The following ZDHHC17 variants were observed in gnomAD, a reference collection of about 807,000 sequenced individuals.
The protein encoded by ZDHHC17 is zDHHC palmitoyltransferase 17.
A neutral mutation model predicts 90.3 loss-of-function variants in ZDHHC17; 40 were observed. The ratio of observed to expected loss-of-function variants is 0.44; its 90% CI spans 0.34 to 0.58. The LOEUF (loss-of-function observed/expected upper bound fraction) is 0.58, where lower values mean the gene tolerates loss of function less well. Among genes scored for constraint, ZDHHC17 ranks in the 20% least tolerant of loss-of-function variants. The probability of loss-of-function intolerance (pLI) is 0.01; values close to 1 mark genes in which losing one functional copy is unlikely to be tolerated. For synonymous variants in ZDHHC17, 235 were observed against 252.4 expected, an observed-to-expected ratio of 0.93 and a Z score of 0.65; for missense variants, 614 against 780.8, an observed-to-expected ratio of 0.79 and a Z score of 2.55.
chr12:76,812,090 AACATAC>A (rs1488633535), intron 5 of ZDHHC17, among the ~76,000 whole-genome samples: 3 of 152,326 alleles, frequency 2.0e-5, no homozygotes, highest in South Asian at 4.1e-4. Flanking sequence ...ACATAGGAAA[AACATAC>A]ACATATTCAA....
intron 5 of ZDHHC17, among the ~76,000 whole-genome samples, chr12:76,811,828 G>A (rs1023067024): frequency 6.6e-6 from 1 of 151,990 alleles, no homozygotes; most frequent in Non-Finnish European, 1.5e-5. Flanking sequence ...CTGAAAATCC[G>A]GAATGCTGCG....
chr12:76,839,974 A>G (rs1373382982), intron 10 of ZDHHC17: 1 of 152,238 alleles, frequency 6.6e-6, no homozygotes, highest in Non-Finnish European at 1.5e-5. Flanking sequence ...AGCATAGGTC[A>G]TATGAGTCTG....
intron 1 of ZDHHC17, among the ~76,000 whole-genome samples, chr12:76,783,773 G>A (rs932670289): frequency 1.3e-5 from 2 of 152,236 alleles, no homozygotes; most frequent in Non-Finnish European, 2.9e-5. Context: ...GAGATGGAGG[G>A]ATTATTTTGG....
chr12:76,852,636 A>C lies in ZDHHC17; in HGVS notation c.*1651A>C, dbSNP rs1953579916. 1 of 152,574 alleles carries C rather than the reference A, an allele frequency of 6.6e-6. No homozygotes were observed. 9.5% of individuals were successfully genotyped at this position (152,574 alleles called of 1,614,324 possible). A position where few individuals can be genotyped will look rare whatever the true frequency, so the allele number is the denominator to read the frequency against. ...CGCCCCTTGCCTTAGTAAGAGGAGCAGTGAAATGTATATAGTTGATGTTCA... is the reference window on the plus strand; with the variant it reads ...CGCCCCTTGCCTTAGTAAGAGGAGCCGTGAAATGTATATAGTTGATGTTCA... On this transcript the variant is annotated 3_prime_UTR_variant, in exon 17 of 17. Transcript: ENST00000426126.
chr12:76,841,843 C>T (rs1050206946), intron 10 of ZDHHC17, 139 bp from the exon 11 acceptor site: 1 of 522,232 alleles, frequency 1.9e-6, no homozygotes. Flanking sequence ...ATTATTTTTA[C>T]ATGTAGTTAT....
intron 1 of ZDHHC17, among the ~76,000 whole-genome samples, chr12:76,765,035 ACAGT>A (rs556824322): frequency 4.9e-4 from 75 of 152,314 alleles, no homozygotes; most frequent in African/African-American, 1.7e-3. Context: ...GCCCCGCTCC[ACAGT>A]CAGTCAGTCT....
At chr12:76,820,408 A>C (rs1309218201) in intron 7 of ZDHHC17, among the ~76,000 whole-genome samples, 2 of 152,138 alleles carry the variant, frequency 1.3e-5, no homozygotes, top group East Asian at 3.8e-4. Context: ...ATTTGTGATT[A>C]AAAAAATAAT....
intron 14 of ZDHHC17, among the ~76,000 whole-genome samples, chr12:76,847,868 C>T (rs1030991211): frequency 6.6e-5 from 10 of 152,024 alleles, no homozygotes; most frequent in Non-Finnish European, 1.3e-4. Context: ...GAAAAAAAAG[C>T]TCATGTCACC....
intron 1 of ZDHHC17, among the ~76,000 whole-genome samples, chr12:76,778,303 A>G (rs1478367555): frequency 6.6e-6 from 1 of 151,986 alleles, no homozygotes; most frequent in Non-Finnish European, 1.5e-5. Flanking sequence ...TGCCTCCTGG[A>G]TGGGTTCAAG....
chr12:76,828,226 G>C (rs890339071), intron 9 of ZDHHC17, among the ~76,000 whole-genome samples, 164 bp from the exon 10 acceptor site: 3 of 152,100 alleles, frequency 2.0e-5, no homozygotes, highest in African/African-American at 7.2e-5. Context: ...TTTCAGCTGT[G>C]AACTAATTTT....
At chr12:76,805,559 T>G (rs1245657929) in intron 3 of ZDHHC17, 120 bp downstream of exon 3, 1 of 921,316 alleles carries the variant, frequency 1.1e-6, no homozygotes, top group Non-Finnish European at 1.6e-6. Context: ...GAAGATAGAT[T>G]CTGTGTACCT....
chr12:76,848,969 T>A (rs951625787), intron 15 of ZDHHC17, among the ~76,000 whole-genome samples: 1 of 151,726 alleles, frequency 6.6e-6, no homozygotes, highest in South Asian at 2.1e-4. Context: ...TTAATTTTTT[T>A]ATATTAAGTA....
intron 7 of ZDHHC17, among the ~76,000 whole-genome samples, chr12:76,819,932 G>T (rs1953141099): frequency 1.3e-5 from 2 of 150,434 alleles, no homozygotes; most frequent in South Asian, 4.2e-4. Context: ...GGTGGAGGTT[G>T]CAGTGAGCCA....
At chr12:76,835,738 A>G (rs1242568631) in intron 10 of ZDHHC17, among the ~76,000 whole-genome samples, 2 of 152,048 alleles carry the variant, frequency 1.3e-5, no homozygotes, top group African/African-American at 4.8e-5. Flanking sequence ...TAGTCATCCT[A>G]TTTTATTAGC....
intron 10 of ZDHHC17, among the ~76,000 whole-genome samples, chr12:76,836,717 G>GT (rs1306088937): frequency 1.3e-5 from 2 of 152,124 alleles, no homozygotes; most frequent in African/African-American, 4.8e-5. Flanking sequence ...TCAAGTCACT[G>GT]TATCATTACC....
chr12:76,834,340 T>G (rs1185812848), intron 10 of ZDHHC17, among the ~76,000 whole-genome samples: 3 of 152,222 alleles, frequency 2.0e-5, no homozygotes, highest in Non-Finnish European at 4.4e-5. Context: ...TTAGAAATTT[T>G]ATGTCTGAAA....
intron 1 of ZDHHC17, among the ~76,000 whole-genome samples, chr12:76,771,161 A>C (rs1253443051): frequency 4.6e-5 from 7 of 152,128 alleles, no homozygotes; most frequent in African/African-American, 1.7e-4. Flanking sequence ...TATATTTATA[A>C]AATACATAAA....
At chr12:76,800,435 G>T (rs1040021037) in intron 2 of ZDHHC17, among the ~76,000 whole-genome samples, 2 of 152,102 alleles carry the variant, frequency 1.3e-5, no homozygotes, top group Admixed American at 1.3e-4. Context: ...GAGAGTTGTG[G>T]TATTGAAGTC....
At chr12:76,800,142 T>A (rs948790786) in intron 2 of ZDHHC17, among the ~76,000 whole-genome samples, 4 of 152,216 alleles carry the variant, frequency 2.6e-5, no homozygotes, top group Non-Finnish European at 2.9e-5. Context: ...GAATGATACA[T>A]GTAATCTTGT....
Sources: gnomAD v4.1 joint callset for allele counts (sites outside exome capture counted in the v4.1 genomes callset) on GRCh38, gnomAD v4.1.1 for gene constraint, MANE v1.5 for transcripts, NCBI Gene and HGNC (gene_info 2026-07-23, HGNC 2026-07-21) for gene names.